Variants in C1orf146 observed in about 807,000 individuals in gnomAD.
The protein encoded by C1orf146 is chromosome 1 open reading frame 146.
A neutral mutation model predicts 23.0 loss-of-function variants in C1orf146; 22 were observed. That is an observed-to-expected ratio of 0.96 (90% CI 0.68 to 1.36). C1orf146 has a LOEUF of 1.36. Among genes scored for constraint, C1orf146 ranks in the 40% most tolerant of loss-of-function variants. The pLI is 0.00. For synonymous variants in C1orf146, 59 were observed against 65.3 expected, an observed-to-expected ratio of 0.90 and a Z score of 0.47; for missense variants, 199 against 206.8, an observed-to-expected ratio of 0.96 and a Z score of 0.23.
chr1:92,225,408 A>G (rs1651942924), intron 1 of C1orf146, among the ~76,000 whole-genome samples: 1 of 152,176 alleles, frequency 6.6e-6, no homozygotes, highest in Non-Finnish European at 1.5e-5. Flanking sequence ...CACTCAGCCT[A>G]ATTTAGTCTT....
At chr1:92,233,937 C>T (rs958014477) in intron 2 of C1orf146, among the ~76,000 whole-genome samples, 290 of 152,076 alleles carry the variant, frequency 1.9e-3, no homozygotes, top group African/African-American at 6.5e-3. Context: ...GTAAGAATGC[C>T]TGTGATTTTT....
At chr1:92,224,735 A>T in intron 1 of C1orf146, among the ~76,000 whole-genome samples, 1 of 150,990 alleles carries the variant, frequency 6.6e-6, no homozygotes, top group Non-Finnish European at 1.5e-5. Context: ...TTTTTTTCCC[A>T]TTGCTTTGGG....
chr1:92,234,267 T>G (rs2100740260), intron 2 of C1orf146, among the ~76,000 whole-genome samples: 1 of 152,354 alleles, frequency 6.6e-6, no homozygotes, highest in Non-Finnish European at 1.5e-5. Context: ...TAGCTGTTAT[T>G]ATTTTGAGAT....
At chr1:92,234,040 A>G (rs1300543660) in intron 2 of C1orf146, among the ~76,000 whole-genome samples, 11 of 152,206 alleles carry the variant, frequency 7.2e-5, no homozygotes, top group Admixed American at 4.6e-4. Context: ...TAGATACACA[A>G]TCATGTCATC....
At chr1:92,242,114 A>G in intron 2 of C1orf146, 98 bp from the exon 3 acceptor site, 1 of 540,078 alleles carries the variant, frequency 1.9e-6, no homozygotes, top group Admixed American at 3.5e-5. Context: ...TTTAAGTGGT[A>G]GTTATAAAAC....
At chr1:92,220,065 T>C (rs1651782179) in intron 1 of C1orf146, among the ~76,000 whole-genome samples, 1 of 152,214 alleles carries the variant, frequency 6.6e-6, no homozygotes, top group African/African-American at 2.4e-5. Flanking sequence ...CAATGCCATC[T>C]GTGTGGGGTT....
At chr1:92,229,554 G>A in intron 1 of C1orf146, 1 of 366,674 alleles carries the variant, frequency 2.7e-6, no homozygotes. Flanking sequence ...TGTGCTGTTG[G>A]TTAATCTGAA....
intron 1 of C1orf146, 26 bp from the exon 2 acceptor site, chr1:92,231,356 A>T: frequency 4.5e-6 from 5 of 1,099,076 alleles, no homozygotes; most frequent in Non-Finnish European, 6.7e-6. Flanking sequence ...ATTTCTTTGC[A>T]TTCTTTGTGT....
rs1005061956 is a variant in C1orf146 at position 92,232,737 on chromosome 1, T to C, written c.66+1251T>C. Among the ~76,000 whole-genome samples, 11 of 150,352 alleles carry C rather than the reference T, an allele frequency of 7.3e-5. 1 individual carries two copies. The highest frequency in any genetic ancestry group is 5.3e-4 in the Admixed American group (8 of 15,104). On this transcript the variant is annotated intron_variant, in intron 2 of 5. Transcript: ENST00000370375. Reference sequence around the variant, plus strand: ...TACAGTCCCACCAACAGTGTAAAAGTGTTCCTATTTCTCCACATCCTCTCC... The same window carrying C: ...TACAGTCCCACCAACAGTGTAAAAGCGTTCCTATTTCTCCACATCCTCTCC...
intron 2 of C1orf146, among the ~76,000 whole-genome samples, chr1:92,240,444 A>C (rs1038650526): frequency 3.3e-5 from 5 of 152,222 alleles, no homozygotes; most frequent in African/African-American, 1.2e-4. Flanking sequence ...CATTGCTGGA[A>C]GCATTATATA....
At position 92,218,916 on chromosome 1, in the gene C1orf146, A is replaced by G. The variant is rs1651751682; in HGVS notation, c.-40+868A>G. ...GCACTGCCCCAGCCCCAGGTTTCTG[A>G]TTCATTCCTCACCTTTAACAGGGAC... On this transcript the variant is annotated intron_variant, in intron 1 of 5. Coordinates refer to ENST00000370375, the MANE Select transcript of C1orf146 (RefSeq NM_001012425.2). Among the ~76,000 whole-genome samples, 3 of 152,212 alleles carry G rather than the reference A, an allele frequency of 2.0e-5. No homozygotes were observed. The South Asian group carries it at 6.2e-4, about 32-fold the overall frequency.
Position 92,233,922 on chromosome 1 carries a change from G to T in C1orf146, c.66+2436G>T, listed in dbSNP as rs143517694. On this transcript the variant is annotated intron_variant, in intron 2 of 5. Coordinates refer to ENST00000370375, the MANE Select transcript of C1orf146 (RefSeq NM_001012425.2). ...TTTGGCTCTCTGTTTGTCTGTTATT[G>T]GTGTGTAAGAATGCCTGTGATTTTT... Among the ~76,000 whole-genome samples the T allele has an allele frequency of 7.3e-3, 1,106 of 152,220 alleles. 15 individuals are homozygous for T. Among genetic ancestry groups the T allele is most frequent in the African/African-American group, 0.025 (1,058 of 41,494 alleles).
intron 2 of C1orf146, among the ~76,000 whole-genome samples, chr1:92,242,008 C>T (rs1417514960): frequency 6.6e-6 from 1 of 152,300 alleles, no homozygotes; most frequent in East Asian, 1.9e-4. Flanking sequence ...CACTCCCAAA[C>T]TTGAAATAAA....
chr1:92,223,872 A>G (rs1651896402), intron 1 of C1orf146, among the ~76,000 whole-genome samples: 2 of 151,674 alleles, frequency 1.3e-5, no homozygotes, highest in African/African-American at 4.8e-5. Context: ...TCGGGGTACA[A>G]GTCATTTACC....
intron 2 of C1orf146, among the ~76,000 whole-genome samples, chr1:92,233,813 A>C (rs2100739604): frequency 6.6e-6 from 1 of 152,268 alleles, no homozygotes; most frequent in Non-Finnish European, 1.5e-5. Context: ...TTCTCCTTGA[A>C]GAGGTCCTTC....
At chr1:92,241,570 A>C (rs1307166926) in intron 2 of C1orf146, among the ~76,000 whole-genome samples, 1 of 151,438 alleles carries the variant, frequency 6.6e-6, no homozygotes, top group South Asian at 2.1e-4. Context: ...GCTCACTGCA[A>C]CCTCCACCTC....
At chr1:92,244,650 G>C (rs1652528746) in intron 4 of C1orf146, 129 bp from the exon 5 acceptor site, 1 of 660,604 alleles carries the variant, frequency 1.5e-6, no homozygotes, top group African/African-American at 1.8e-5. Context: ...CAAATCCTCT[G>C]TGGAGTAAGG....
rs111556887 is a variant in C1orf146, at chr1:92,245,615, C to A, written c.484C>A (p.Pro162Thr). ...TAAAGCTTACATCATTGAGCAAAGT[C>A]CTGTTTGGAAAACACTTCAGAAGAT... The part of the protein sequence containing the change: ...TAKAYIIEQS[P>T]VWKTLQKIKL... The change falls in exon 6 of 6, where the codon CCT becomes ACT. Residue 162 changes from proline (P) to threonine (T), a missense_variant. Transcript: ENST00000370375. The A allele has an allele frequency of 6.2e-7, 1 of 1,600,260 alleles. No individual in the cohort carries two copies. Among genetic ancestry groups the A allele is most frequent in the Non-Finnish European group, 8.5e-7 (1 of 1,174,478 alleles).
intron 1 of C1orf146, among the ~76,000 whole-genome samples, chr1:92,228,393 C>T (rs77087606): frequency 6.6e-6 from 1 of 152,178 alleles, no homozygotes; most frequent in Non-Finnish European, 1.5e-5. Context: ...CTGTTCTTAA[C>T]TCTTTGTATG....
Sources: allele counts gnomAD v4.1 joint callset (sites outside exome capture counted in the v4.1 genomes callset), GRCh38; gene constraint gnomAD v4.1.1; transcripts MANE v1.5; gene names NCBI Gene and HGNC (gene_info 2026-07-23, HGNC 2026-07-21).